Variants in GADL1 observed in about 807,000 individuals in gnomAD.
GADL1 encodes acidic amino acid decarboxylase GADL1.
GADL1 carries 71 observed loss-of-function variants against 69.5 expected under a neutral mutation model. The observed-to-expected ratio is 1.02, with a 90% CI of 0.84 to 1.25. The LOEUF is 1.25. Ranked by LOEUF, GADL1 falls within the 50% of genes most tolerant of loss-of-function variation. The pLI, the probability that GADL1 is intolerant of heterozygous loss-of-function variation, is 0.00. For missense variants in GADL1, 737 were observed against 631.8 expected (o/e 1.17, Z -1.79); for synonymous variants, 254 against 214.4 (o/e 1.18, Z -1.62).
At position 30,850,949 on chromosome 3, in the gene GADL1, G is replaced by A; in HGVS notation, c.429-8C>T. On this transcript the variant is annotated splice_region_variant and splice_polypyrimidine_tract_variant and intron_variant, in intron 4 of 14. Transcript: ENST00000282538. Reference sequence around the variant, plus strand: ...GACACCTCATACGTATAACTAGATAGATATAAAAAACACTTCACTTCTATG... The same window carrying A: ...GACACCTCATACGTATAACTAGATAAATATAAAAAACACTTCACTTCTATG... 6.8e-7 allele frequency: 1 copy of A among 1,470,116 alleles called. No individual in the cohort carries two copies. Among genetic ancestry groups the A allele is most frequent in the Admixed American group, 2.0e-5 (1 of 50,066 alleles). The allele number at this position is 1,470,116 out of a possible 1,614,324, so 91.1% of individuals were successfully genotyped here.
At chr3:30,781,591 C>A (rs1355985179) in intron 13 of GADL1, among the ~76,000 whole-genome samples, 2 of 152,142 alleles carry the variant, frequency 1.3e-5, no homozygotes, top group Admixed American at 6.6e-5. Context: ...TGAAAAATTT[C>A]AAAGGCAGCA....
At chr3:30,748,431 C>T (rs1436752567) in intron 14 of GADL1, among the ~76,000 whole-genome samples, 1 of 148,292 alleles carries the variant, frequency 6.7e-6, no homozygotes, top group Non-Finnish European at 1.5e-5. Flanking sequence ...CCACTGACTA[C>T]AGTAAGGATG....
At chr3:30,766,068 AT>A (rs1390738568) in intron 14 of GADL1, among the ~76,000 whole-genome samples, 2 of 152,176 alleles carry the variant, frequency 1.3e-5, no homozygotes, top group African/African-American at 4.8e-5. Context: ...AGACATAAAA[AT>A]TGACTGTATT....
chr3:30,740,598 C>T (rs183771364), intron 14 of GADL1, among the ~76,000 whole-genome samples: 1 of 152,166 alleles, frequency 6.6e-6, no homozygotes, highest in East Asian at 1.9e-4. Context: ...TATCACCTTC[C>T]CCCCAAAGGT....
intron 14 of GADL1, among the ~76,000 whole-genome samples, chr3:30,752,357 A>G (rs886948361): frequency 1.7e-4 from 26 of 151,718 alleles, no homozygotes; most frequent in African/African-American, 5.9e-4. Flanking sequence ...CAGTTTAAGC[A>G]CAATCTATTT....
Position 30,753,243 on chromosome 3 carries a change from G to A in GADL1, c.1393-24828C>T, listed in dbSNP as rs1244444729. Among the ~76,000 whole-genome samples, 3 of 152,128 alleles carry A rather than the reference G, an allele frequency of 2.0e-5. No homozygotes were observed. In the East Asian group the frequency reaches 5.8e-4, roughly 29 times the overall value. ...CCTTCAGATTGTGTGAATGGAGATA[G>A]TTCCAATCTACGTTACATGATCTAT... On this transcript the variant is annotated intron_variant, in intron 14 of 14. Transcript: ENST00000282538.
chr3:30,786,728 G>A (rs1696798509), intron 12 of GADL1, among the ~76,000 whole-genome samples: 1 of 152,150 alleles, frequency 6.6e-6, no homozygotes, highest in Admixed American at 6.6e-5. Context: ...ACTGTAAATG[G>A]GGGATTTAAC....
chr3:30,778,122 T>C, intron 14 of GADL1, 57 bp downstream of exon 14: 1 of 951,292 alleles, frequency 1.1e-6, no homozygotes, highest in South Asian at 1.3e-5. Flanking sequence ...GATCAACAGA[T>C]AATGTACACT....
intron 14 of GADL1, among the ~76,000 whole-genome samples, chr3:30,751,319 T>G (rs895356090): frequency 2.0e-5 from 3 of 151,972 alleles, no homozygotes; most frequent in Non-Finnish European, 2.9e-5. Context: ...CTGGGACCAT[T>G]GTGGTAAGGA....
chr3:30,821,515 T>C (rs1559352243), intron 11 of GADL1, among the ~76,000 whole-genome samples: 1 of 144,804 alleles, frequency 6.9e-6, no homozygotes, highest in Non-Finnish European at 1.5e-5. Context: ...ATCTCTACTT[T>C]TGTACATATT....
At chr3:30,875,760 C>T (rs1575244904) in intron 1 of GADL1, among the ~76,000 whole-genome samples, 2 of 151,804 alleles carry the variant, frequency 1.3e-5, no homozygotes, top group South Asian at 4.2e-4. Context: ...GAAGCAGTGG[C>T]CCAGCCTCTC....
chr3:30,815,259 T>G (rs756104564), intron 11 of GADL1, among the ~76,000 whole-genome samples: 12 of 152,162 alleles, frequency 7.9e-5, no homozygotes, highest in Admixed American at 3.9e-4. Context: ...TCTGTTTTAC[T>G]GCAAACAGCA....
intron 14 of GADL1, among the ~76,000 whole-genome samples, chr3:30,758,199 T>C (rs757768578): frequency 3.9e-5 from 6 of 152,318 alleles, no homozygotes; most frequent in Non-Finnish European, 7.3e-5. Flanking sequence ...GCCTTTGTAG[T>C]ACATTCCTAT....
intron 13 of GADL1, among the ~76,000 whole-genome samples, chr3:30,780,052 G>C (rs946639121): frequency 1.3e-5 from 2 of 152,102 alleles, no homozygotes; most frequent in Non-Finnish European, 2.9e-5. Context: ...CTTTCAGGTG[G>C]CATCACGTGG....
At chr3:30,850,712 A>C (rs1698133974) in intron 5 of GADL1, 123 bp downstream of exon 5, 1 of 628,382 alleles carries the variant, frequency 1.6e-6, no homozygotes, top group Non-Finnish European at 2.9e-6. Context: ...CTAGATTCTC[A>C]GCAAGTAGAA....
At chr3:30,876,585 G>A (rs190331408) in intron 1 of GADL1, among the ~76,000 whole-genome samples, 6 of 152,060 alleles carry the variant, frequency 3.9e-5, no homozygotes, top group Middle Eastern at 3.4e-3. Context: ...CAGAAACGGA[G>A]TAGAGTGTTT....
intron 14 of GADL1, among the ~76,000 whole-genome samples, chr3:30,776,684 G>GA (rs1696548118): frequency 6.6e-6 from 1 of 152,190 alleles, no homozygotes; most frequent in African/African-American, 2.4e-5. Context: ...GCTGCCAAGT[G>GA]AGGCAATCAG....
At chr3:30,837,935 T>G (rs1697900509) in intron 9 of GADL1, among the ~76,000 whole-genome samples, 1 of 152,144 alleles carries the variant, frequency 6.6e-6, no homozygotes. Context: ...CTAGTAAACT[T>G]TATACTACTG....
intron 14 of GADL1, among the ~76,000 whole-genome samples, chr3:30,770,067 G>A (rs943078935): frequency 2.0e-5 from 3 of 152,186 alleles, no homozygotes; most frequent in Admixed American, 2.0e-4. Context: ...CTGCATTCCT[G>A]CATGGCAGTC....
Sources: allele counts gnomAD v4.1 joint callset (sites outside exome capture counted in the v4.1 genomes callset), GRCh38; gene constraint gnomAD v4.1.1; transcripts MANE v1.5; gene names NCBI Gene and HGNC (gene_info 2026-07-23, HGNC 2026-07-21).